Variants in KAT6A observed in about 807,000 individuals in gnomAD.
KAT6A encodes lysine acetyltransferase 6A, also known as histone acetyltransferase KAT6A.
KAT6A carries 9 observed loss-of-function variants against 198.4 expected under a neutral mutation model. The observed-to-expected ratio is 0.05, with a 90% CI of 0.03 to 0.08. KAT6A has a LOEUF of 0.08. Among genes scored for constraint, KAT6A ranks in the 10% least tolerant of loss-of-function variants. KAT6A has a pLI of 1.00. For synonymous variants in KAT6A, 890 were observed against 883.0 expected (o/e 1.01, Z -0.14); for missense variants, 2,077 against 2,509.9 (o/e 0.83, Z 3.69).
chr8:42,046,370 T>C (rs1802295108), intron 2 of KAT6A, among the ~76,000 whole-genome samples: 1 of 152,132 alleles, frequency 6.6e-6, no homozygotes, highest in Admixed American at 6.5e-5. Flanking sequence ...ACCCCGTCTC[T>C]ACTAAAAATA....
chr8:41,952,595 C>T (rs915361031), intron 9 of KAT6A, among the ~76,000 whole-genome samples: 10 of 152,142 alleles, frequency 6.6e-5, no homozygotes, highest in African/African-American at 2.2e-4. Flanking sequence ...ATCCCACTTC[C>T]CAAAAGACGT....
At chr8:41,941,795 C>G (rs1309450068) in intron 14 of KAT6A, among the ~76,000 whole-genome samples, 3 of 152,154 alleles carry the variant, frequency 2.0e-5, no homozygotes, top group Non-Finnish European at 2.9e-5. Flanking sequence ...AGCCTATGTT[C>G]TGAATCTTTC....
At position 41,931,270 on chromosome 8, in the gene KAT6A, C is replaced by T. The variant is rs571092885; in HGVS notation, c.*935G>A. 19 of 219,116 alleles carry T rather than the reference C, an allele frequency of 8.7e-5. No homozygotes were observed. The highest frequency in any genetic ancestry group is 4.0e-4 in the African/African-American group (18 of 44,510). 13.6% of individuals were successfully genotyped at this position (219,116 alleles called of 1,614,324 possible). Reference sequence around the variant, plus strand: ...ATACTAGAAACAAGAGGCTGGGTGGCGTGTGTGTGCGTTATGGCTGATTCA... The same window carrying T: ...ATACTAGAAACAAGAGGCTGGGTGGTGTGTGTGTGCGTTATGGCTGATTCA... On this transcript the variant is annotated 3_prime_UTR_variant, in exon 17 of 17. Coordinates refer to ENST00000265713, the MANE Select transcript of KAT6A (RefSeq NM_006766.5).
At chr8:41,939,364 T>C (rs1188979113) in intron 15 of KAT6A, among the ~76,000 whole-genome samples, 1 of 152,230 alleles carries the variant, frequency 6.6e-6, no homozygotes, top group Non-Finnish European at 1.5e-5. Flanking sequence ...TTATATTTGA[T>C]ACTTGCTTCT....
chr8:41,975,090 G>C (rs903008439), intron 7 of KAT6A, among the ~76,000 whole-genome samples: 2 of 151,898 alleles, frequency 1.3e-5, no homozygotes, highest in Non-Finnish European at 2.9e-5. Context: ...TTAATACACA[G>C]AAAGGCAGAC....
In KAT6A at chr8:41,933,324, G is replaced by T; in HGVS notation, c.4896C>A (p.Ile1632=). 1 of 1,574,270 alleles carries T rather than the reference G, an allele frequency of 6.4e-7. No individual in the cohort carries two copies. Residue 1632 remains isoleucine, a synonymous_variant, in exon 17 of 17, where the codon ATC becomes ATA. Transcript: ENST00000265713. The surrounding 1 kb of genome is among the most constrained non-coding windows in gnomAD (Gnocchi z 6.2). ...CCACCACGCAGCTCTGAGGTGACTT[G>T]ATGCTGCAGTTGGCAGCAGGCTGGA... The part of the protein sequence containing the change: ...SSVQPAANCS[I]KSPQSCVVER...
intron 2 of KAT6A, among the ~76,000 whole-genome samples, chr8:42,011,713 C>G (rs1369059721): frequency 6.6e-6 from 1 of 151,306 alleles, no homozygotes; most frequent in Admixed American, 6.6e-5. Flanking sequence ...GCACTCCAGC[C>G]TGGGCAACAA....
At chr8:42,037,364 GA>G (rs1040722889) in intron 2 of KAT6A, among the ~76,000 whole-genome samples, 2 of 152,126 alleles carry the variant, frequency 1.3e-5, no homozygotes, top group Admixed American at 1.3e-4. Flanking sequence ...GAAAAATTGG[GA>G]AACTATTAAA....
At chr8:41,943,088 G>GT in intron 13 of KAT6A, 88 bp from the exon 14 acceptor site, 2 of 1,529,186 alleles carry the variant, frequency 1.3e-6, no homozygotes, top group Non-Finnish European at 1.8e-6. Context: ...GGTGAAGCAT[G>GT]TAAGATGATA....
chr8:42,051,093 A>G (rs1304954305), intron 1 of KAT6A, among the ~76,000 whole-genome samples: 3 of 152,034 alleles, frequency 2.0e-5, no homozygotes, highest in Non-Finnish European at 4.4e-5. Flanking sequence ...CCCGAGCACA[A>G]GTTAACAATG....
At chr8:42,050,843 G>C (rs992695663) in intron 1 of KAT6A, among the ~76,000 whole-genome samples, 2 of 152,110 alleles carry the variant, frequency 1.3e-5, no homozygotes, top group African/African-American at 4.8e-5. Flanking sequence ...ATTGTCATCA[G>C]TCTCCAGGTC....
At chr8:42,041,908 T>C (rs1194963813) in intron 2 of KAT6A, among the ~76,000 whole-genome samples, 1 of 152,224 alleles carries the variant, frequency 6.6e-6, no homozygotes, top group Non-Finnish European at 1.5e-5. Context: ...TTTTTGTTTT[T>C]CCAAAGTGAA....
intron 5 of KAT6A, among the ~76,000 whole-genome samples, chr8:41,979,602 AG>A (rs998111035): frequency 1.4e-4 from 21 of 152,210 alleles, no homozygotes; most frequent in African/African-American, 5.1e-4. Context: ...AACCTTTCTT[AG>A]GACTCTTAGA....
chr8:41,983,576 C>A (rs372988154), intron 3 of KAT6A, among the ~76,000 whole-genome samples: 1 of 152,136 alleles, frequency 6.6e-6, no homozygotes, highest in Non-Finnish European at 1.5e-5. Context: ...ACTGAGACTA[C>A]GGAACACTAA....
At chr8:41,955,650 T>G (rs1822884349) in intron 8 of KAT6A, among the ~76,000 whole-genome samples, 3 of 152,250 alleles carry the variant, frequency 2.0e-5, no homozygotes, top group Admixed American at 2.0e-4. Context: ...TGTTGCTGCA[T>G]TTCTACATTT....
At chr8:41,942,682 A>C (rs942003426) in intron 14 of KAT6A, 111 bp downstream of exon 14, 13 of 1,182,674 alleles carry the variant, frequency 1.1e-5, no homozygotes, top group Admixed American at 2.4e-5. Context: ...TTGACATTCT[A>C]ATGTGAATTT....
At chr8:41,934,952 G>C in intron 16 of KAT6A, 85 bp from the exon 17 acceptor site, 1 of 1,057,492 alleles carries the variant, frequency 9.5e-7, no homozygotes, top group Non-Finnish European at 1.4e-6. Flanking sequence ...ATATACAATA[G>C]AAATGACTTT....
intron 2 of KAT6A, among the ~76,000 whole-genome samples, chr8:42,012,028 G>A (rs1023601911): frequency 6.6e-5 from 10 of 152,000 alleles, no homozygotes; most frequent in African/African-American, 2.4e-4. Context: ...ACAACCAATC[G>A]TTAGGGAAAT....
rs371667822 is a variant in KAT6A, at chr8:41,988,147, T to C, written c.601-584A>G. On this transcript the variant is annotated intron_variant, in intron 2 of 16. Coordinates refer to ENST00000265713, the MANE Select transcript of KAT6A (RefSeq NM_006766.5). Reference sequence around the variant, plus strand: ...TTGTCCAAGGACAGTAGCTAACAAATGTTAAGAGTGGTTTGTTTAATCTAT... The same window carrying C: ...TTGTCCAAGGACAGTAGCTAACAAACGTTAAGAGTGGTTTGTTTAATCTAT... Among the ~76,000 whole-genome samples the C allele has an allele frequency of 8.5e-5, 13 of 152,316 alleles. No individual in the cohort carries two copies. The South Asian group carries it at 1.4e-3, about 17-fold the overall frequency.
Sources: allele counts gnomAD v4.1 joint callset (sites outside exome capture counted in the v4.1 genomes callset), GRCh38; gene constraint gnomAD v4.1.1; non-coding constraint Gnocchi (gnomAD v3.1); transcripts MANE v1.5; gene names NCBI Gene and HGNC (gene_info 2026-07-23, HGNC 2026-07-21).